The following ZNF804A variants were observed in gnomAD, a reference collection of about 807,000 sequenced individuals.
ZNF804A encodes zinc finger protein 804A.
A neutral mutation model predicts 16.5 loss-of-function variants in ZNF804A; 2 were observed. The observed-to-expected ratio is 0.12, with a 90% CI of 0.05 to 0.38. ZNF804A has a LOEUF of 0.38. Ranked by LOEUF, ZNF804A falls within the 10% of genes least tolerant of loss-of-function variation. ZNF804A has a pLI of 0.99. For missense variants in ZNF804A, 1,473 were observed against 1,390.7 expected (o/e 1.06, Z -0.94); for synonymous variants, 534 against 489.6 (o/e 1.09, Z -1.20).
At chr2:184,738,362 A>C (rs989017676) in intron 1 of ZNF804A, among the ~76,000 whole-genome samples, 1 of 152,124 alleles carries the variant, frequency 6.6e-6, no homozygotes, top group Non-Finnish European at 1.5e-5. Flanking sequence ...TAAAAAAAAC[A>C]TGGACAATTA....
At position 184,896,314 on chromosome 2, in the gene ZNF804A, G is replaced by A. The variant is rs147071593; in HGVS notation, c.255+29802G>A. ...GAAATCTAAATAATATGTGTGATTG[G>A]TATCATTTATACATAAAGAGCCACT... On this transcript the variant is annotated intron_variant, in intron 2 of 3. Transcript: ENST00000302277. 2.2e-3 allele frequency among the ~76,000 whole-genome samples: 328 copies of A among 152,156 alleles called. 1 individual carries two copies. The highest frequency in any genetic ancestry group is 6.8e-3 in the Middle Eastern group (2 of 294).
chr2:184,931,589 A>G (rs1158605197), intron 2 of ZNF804A, among the ~76,000 whole-genome samples: 1 of 152,288 alleles, frequency 6.6e-6, no homozygotes, highest in Non-Finnish European at 1.5e-5. Context: ...CTGGCCCACA[A>G]AACCATTTTT....
Position 184,935,892 on chromosome 2 carries a change from T to G in ZNF804A, c.496T>G (p.Phe166Val). ...GGATTCAGTTAATAACCAGCAAGAT[T>G]TCAAATATACTTTGATTCATAGTGA... The part of the protein sequence containing the change: ...VVDSVNNQQD[F>V]KYTLIHSEEN... Residue 166 changes from phenylalanine to valine, a missense_variant, in exon 4 of 4, where the codon TTC (phenylalanine) becomes GTC (valine). Phe to Val is a conservative substitution (Grantham distance 50). Coordinates refer to ENST00000302277, the MANE Select transcript of ZNF804A (RefSeq NM_194250.2). 6.2e-7 allele frequency: 1 copy of G among 1,613,920 alleles called. No homozygotes were observed. Among genetic ancestry groups the G allele is most frequent in the African/African-American group, 1.3e-5 (1 of 75,022 alleles).
At chr2:184,744,447 A>G (rs1020446648) in intron 1 of ZNF804A, among the ~76,000 whole-genome samples, 1 of 151,868 alleles carries the variant, frequency 6.6e-6, no homozygotes, top group East Asian at 1.9e-4. Flanking sequence ...GAACAGGATT[A>G]GTGCCCTTAT....
At chr2:184,733,509 G>A (rs990361947) in intron 1 of ZNF804A, among the ~76,000 whole-genome samples, 2 of 151,912 alleles carry the variant, frequency 1.3e-5, no homozygotes, top group African/African-American at 4.8e-5. Context: ...GTCTGATTTT[G>A]GTATCAGAAA....
chr2:184,693,335 T>A (rs1692764389), intron 1 of ZNF804A, among the ~76,000 whole-genome samples: 2 of 152,186 alleles, frequency 1.3e-5, no homozygotes, highest in African/African-American at 4.8e-5. Flanking sequence ...ATTTTATAAG[T>A]AGATAAATTA....
At chr2:184,746,171 A>G (rs1693786809) in intron 1 of ZNF804A, among the ~76,000 whole-genome samples, 1 of 151,526 alleles carries the variant, frequency 6.6e-6, no homozygotes, top group South Asian at 2.1e-4. Context: ...AACATTTATC[A>G]TTATTTTGTG....
At chr2:184,801,470 T>C (rs1694726412) in intron 1 of ZNF804A, among the ~76,000 whole-genome samples, 1 of 152,172 alleles carries the variant, frequency 6.6e-6, no homozygotes, top group East Asian at 1.9e-4. Flanking sequence ...TTTTCAATGT[T>C]CTGTTCTATT....
At chr2:184,664,421 G>A (rs748267492) in intron 1 of ZNF804A, among the ~76,000 whole-genome samples, 1 of 152,032 alleles carries the variant, frequency 6.6e-6, no homozygotes, top group African/African-American at 2.4e-5. Flanking sequence ...TAAAATAAAT[G>A]TTATTTATAA....
chr2:184,740,566 G>A (rs1188129884), intron 1 of ZNF804A, among the ~76,000 whole-genome samples: 1 of 152,072 alleles, frequency 6.6e-6, no homozygotes, highest in Non-Finnish European at 1.5e-5. Context: ...AAAACCTCAG[G>A]AAACTTTTAG....
chr2:184,885,464 TA>T (rs1305230768), intron 2 of ZNF804A, among the ~76,000 whole-genome samples: 4 of 152,012 alleles, frequency 2.6e-5, no homozygotes, highest in Non-Finnish European at 4.4e-5. Context: ...TAGAGTGGAT[TA>T]AAAAAATGTG....
chr2:184,796,373 T>C (rs1050384917), intron 1 of ZNF804A, among the ~76,000 whole-genome samples: 1 of 152,146 alleles, frequency 6.6e-6, no homozygotes, highest in Non-Finnish European at 1.5e-5. Flanking sequence ...TTGTTGTCGG[T>C]AATTTTTCAA....
intron 1 of ZNF804A, among the ~76,000 whole-genome samples, chr2:184,606,810 T>G (rs1367408057): frequency 6.7e-6 from 1 of 149,890 alleles, no homozygotes; most frequent in Non-Finnish European, 1.5e-5. Context: ...GTCAGTTTGT[T>G]AAAATAAATC....
intron 2 of ZNF804A, among the ~76,000 whole-genome samples, chr2:184,890,078 C>T (rs1190794701): frequency 1.3e-5 from 2 of 152,094 alleles, no homozygotes; most frequent in East Asian, 1.9e-4. Context: ...CTTGGGATAA[C>T]CAAAGATAAC....
chr2:184,921,331 T>C (rs187383334), intron 2 of ZNF804A, among the ~76,000 whole-genome samples: 1 of 151,262 alleles, frequency 6.6e-6, no homozygotes, highest in East Asian at 1.9e-4. Flanking sequence ...ATTAGGTGAG[T>C]TTTTTTTTAC....
chr2:184,891,245 G>T (rs77819662), intron 2 of ZNF804A, among the ~76,000 whole-genome samples: 9,768 of 152,112 alleles, frequency 0.064, 1,063 homozygotes, highest in African/African-American at 0.22. Flanking sequence ...GTATTGCAAT[G>T]ATTTCTAAAA....
intron 1 of ZNF804A, among the ~76,000 whole-genome samples, chr2:184,843,456 T>C (rs1018014946): frequency 6.6e-6 from 1 of 151,868 alleles, no homozygotes; most frequent in African/African-American, 2.4e-5. Flanking sequence ...GTGTTTTTAG[T>C]AGAGATGGGG....
intron 1 of ZNF804A, among the ~76,000 whole-genome samples, chr2:184,766,663 C>T (rs1694133805): frequency 6.6e-6 from 1 of 151,250 alleles, no homozygotes; most frequent in South Asian, 2.1e-4. Flanking sequence ...CCTTACAATC[C>T]AACAGTTTTA....
intron 1 of ZNF804A, among the ~76,000 whole-genome samples, chr2:184,616,327 C>T (rs773670083): frequency 9.9e-5 from 15 of 152,010 alleles, no homozygotes; most frequent in Non-Finnish European, 5.9e-5. Context: ...GCAAAAACTA[C>T]AATTAACTTT....
Sources: gnomAD v4.1 joint callset for allele counts (sites outside exome capture counted in the v4.1 genomes callset) on GRCh38, gnomAD v4.1.1 for gene constraint, MANE v1.5 for transcripts, NCBI Gene and HGNC (gene_info 2026-07-23, HGNC 2026-07-21) for gene names.